Variants in SEMA3A observed in about 807,000 individuals in gnomAD.
The protein encoded by SEMA3A is semaphorin-3A.
Under a neutral mutation model 97.9 loss-of-function variants are expected in SEMA3A, and 29 were observed. That is an observed-to-expected ratio of 0.30 (90% confidence interval 0.22 to 0.40). SEMA3A has a LOEUF of 0.40. Ranked by LOEUF, SEMA3A falls within the 10% of genes least tolerant of loss-of-function variation. The pLI, the probability that SEMA3A is intolerant of heterozygous loss-of-function variation, is 1.00. For missense variants in SEMA3A, 763 were observed against 951.3 expected, an observed-to-expected ratio of 0.80 and a Z score of 2.60; for synonymous variants, 321 against 323.7, an observed-to-expected ratio of 0.99 and a Z score of 0.09.
chr7:84,431,313 G>A (rs766060339), intron 1 of SEMA3A, among the ~76,000 whole-genome samples: 3 of 151,928 alleles, frequency 2.0e-5, no homozygotes, highest in South Asian at 2.1e-4. Context: ...GGGCAATTTC[G>A]TTTCCATGAC....
intron 6 of SEMA3A, among the ~76,000 whole-genome samples, chr7:84,033,759 A>T (rs1311683608): frequency 6.6e-6 from 1 of 152,054 alleles, no homozygotes. Context: ...TGGGCTCTTG[A>T]TAGGTACAGA....
At chr7:84,417,496 T>C (rs1000240876) in intron 1 of SEMA3A, among the ~76,000 whole-genome samples, 8 of 152,114 alleles carry the variant, frequency 5.3e-5, no homozygotes, top group Non-Finnish European at 1.0e-4. Flanking sequence ...GACGCGTTTG[T>C]TTCCATATAA....
At chr7:84,171,591 G>C (rs1162155189) in intron 1 of SEMA3A, among the ~76,000 whole-genome samples, 1 of 151,962 alleles carries the variant, frequency 6.6e-6, no homozygotes, top group East Asian at 1.9e-4. Context: ...AGTTTCTATA[G>C]GCATTGGTAT....
At chr7:84,066,428 A>G (rs1381312839) in intron 4 of SEMA3A, among the ~76,000 whole-genome samples, 1 of 139,736 alleles carries the variant, frequency 7.2e-6, no homozygotes, top group Non-Finnish European at 1.5e-5. Flanking sequence ...CAGGGCAGTT[A>G]GGCAGGAGAA....
At chr7:84,007,582 G>T in intron 9 of SEMA3A, 85 bp from the exon 10 acceptor site, 2 of 1,015,248 alleles carry the variant, frequency 2.0e-6, no homozygotes, top group Non-Finnish European at 2.6e-6. Flanking sequence ...TTACATTTTA[G>T]ATATGATTTA....
At chr7:84,449,737 T>A (rs1347727783) in intron 1 of SEMA3A, among the ~76,000 whole-genome samples, 1 of 152,052 alleles carries the variant, frequency 6.6e-6, no homozygotes, top group African/African-American at 2.4e-5. Flanking sequence ...AACTCCCCAT[T>A]TCCCCCTCAC....
intron 6 of SEMA3A, among the ~76,000 whole-genome samples, chr7:84,022,084 G>A (rs1584557232): frequency 6.6e-6 from 1 of 152,076 alleles, no homozygotes; most frequent in East Asian, 1.9e-4. Context: ...ATTAGATTTT[G>A]TCAATAGGAT....
At chr7:84,432,695 A>G (rs1054022262) in intron 1 of SEMA3A, among the ~76,000 whole-genome samples, 1 of 152,072 alleles carries the variant, frequency 6.6e-6, no homozygotes, top group Non-Finnish European at 1.5e-5. Flanking sequence ...AGCTTCATTC[A>G]TGTTGCTGCA....
intron 15 of SEMA3A, among the ~76,000 whole-genome samples, chr7:83,970,132 A>G (rs1562946448): frequency 6.6e-6 from 1 of 152,190 alleles, no homozygotes; most frequent in African/African-American, 2.4e-5. Context: ...AAATTATTTT[A>G]AAAGCACCAC....
intron 12 of SEMA3A, among the ~76,000 whole-genome samples, chr7:83,986,883 A>C (rs1317192197): frequency 6.6e-6 from 1 of 151,972 alleles, no homozygotes; most frequent in Non-Finnish European, 1.5e-5. Flanking sequence ...TGAATGAATT[A>C]ATACATGTAA....
chr7:84,360,469 T>G lies in SEMA3A; in HGVS notation c.-169+11355A>C, dbSNP rs1802688894. Among the ~76,000 whole-genome samples the G allele has an allele frequency of 3.3e-5, 5 of 152,258 alleles. No individual in the cohort carries two copies. The South Asian group carries it at 1.0e-3, about 32-fold the overall frequency. ...GAGCAGTTTTGAGTGAGTTTCTTAA[T>G]CCTGAGTTCTAGTTTGATTGCAATG... On this transcript the variant is annotated intron_variant, in intron 2 of 3. Coordinates refer to the SEMA3A transcript ENST00000424555.
intron 1 of SEMA3A, among the ~76,000 whole-genome samples, chr7:84,165,073 T>G (rs1186346255): frequency 1.3e-5 from 2 of 152,116 alleles, no homozygotes; most frequent in Admixed American, 1.3e-4. Context: ...CCAGGCATAG[T>G]GGCACGTGCC....
At chr7:84,383,745 T>C (rs1276477247) in intron 1 of SEMA3A, among the ~76,000 whole-genome samples, 1 of 152,176 alleles carries the variant, frequency 6.6e-6, no homozygotes, top group Admixed American at 6.5e-5. Context: ...ATTCAATGCG[T>C]TTGTAGAAGT....
chr7:84,395,990 A>G (rs955160356), intron 1 of SEMA3A, among the ~76,000 whole-genome samples: 3 of 152,166 alleles, frequency 2.0e-5, no homozygotes, highest in African/African-American at 2.4e-5. Flanking sequence ...ATTGCATTAA[A>G]GCAGAATCAA....
intron 1 of SEMA3A, among the ~76,000 whole-genome samples, chr7:84,458,803 T>C (rs1240225161): frequency 6.6e-6 from 1 of 152,168 alleles, no homozygotes; most frequent in Non-Finnish European, 1.5e-5. Context: ...TATTTTTTCT[T>C]TGTTTTGAGA....
At chr7:84,054,513 G>A (rs1416439597) in intron 5 of SEMA3A, among the ~76,000 whole-genome samples, 1 of 151,836 alleles carries the variant, frequency 6.6e-6, no homozygotes, top group Non-Finnish European at 1.5e-5. Flanking sequence ...TGAGACTTCT[G>A]CATTCTTCAT....
intron 1 of SEMA3A, among the ~76,000 whole-genome samples, chr7:84,460,177 C>A (rs1805791750): frequency 6.6e-6 from 1 of 151,870 alleles, no homozygotes; most frequent in Non-Finnish European, 1.5e-5. Flanking sequence ...TGTTTTAAAC[C>A]AATGTAAAGA....
intron 2 of SEMA3A, among the ~76,000 whole-genome samples, chr7:84,358,560 T>G (rs1283887084): frequency 6.6e-6 from 1 of 152,142 alleles, no homozygotes; most frequent in African/African-American, 2.4e-5. Context: ...TAGTTTGAAG[T>G]CAGGTAGCAT....
intron 3 of SEMA3A, among the ~76,000 whole-genome samples, chr7:84,123,724 A>AAT (rs1395539113): frequency 2.0e-5 from 3 of 147,150 alleles, no homozygotes; most frequent in Non-Finnish European, 3.0e-5. Context: ...TATCAGATAA[A>AAT]ATATATATAT....
Sources: gnomAD v4.1 joint callset for allele counts (sites outside exome capture counted in the v4.1 genomes callset) on GRCh38, gnomAD v4.1.1 for gene constraint, MANE v1.5 for transcripts, NCBI Gene and HGNC (gene_info 2026-07-23, HGNC 2026-07-21) for gene names.